The following SPECC1 variants were observed in gnomAD, a reference collection of about 807,000 sequenced individuals.
The protein encoded by SPECC1 is sperm antigen with calponin homology and coiled-coil domains 1, also known as cytospin-B.
A neutral mutation model predicts 104.1 loss-of-function variants in SPECC1; 62 were observed. The observed-to-expected ratio is 0.60, with a 90% confidence interval of 0.49 to 0.74. SPECC1 has a LOEUF of 0.74. Among genes scored for constraint, SPECC1 ranks in the 30% least tolerant of loss-of-function variants. The pLI, the probability that SPECC1 is intolerant of heterozygous loss-of-function variation, is 0.00. For missense variants in SPECC1, 1,306 were observed against 1,310.5 expected (o/e 1.00, Z 0.05); for synonymous variants, 513 against 501.6 (o/e 1.02, Z -0.30).
chr17:20,251,224 C>CAAAAAAAAAAAAAAAAGAAAAAAA (rs2039618067), intron 9 of SPECC1, among the ~76,000 whole-genome samples: 1 of 51,044 alleles, frequency 2.0e-5, no homozygotes, highest in African/African-American at 9.5e-5. Flanking sequence ...GACTCTATCT[C>CAAAAAAAAAAAAAAAAGAAAAAAA]AAAAAAAAAA....
At chr17:20,069,889 A>G (rs1399404280) in intron 1 of SPECC1, among the ~76,000 whole-genome samples, 1 of 152,096 alleles carries the variant, frequency 6.6e-6, no homozygotes, top group Admixed American at 6.5e-5. Flanking sequence ...TATAAATGTA[A>G]TTGGTTTCTG....
intron 2 of SPECC1, among the ~76,000 whole-genome samples, chr17:20,104,234 G>C (rs1393411869): frequency 6.6e-6 from 1 of 152,182 alleles, no homozygotes; most frequent in Non-Finnish European, 1.5e-5. Context: ...GATGAGTACA[G>C]TCAGTGCAGG....
intron 12 of SPECC1, among the ~76,000 whole-genome samples, chr17:20,262,081 A>G (rs2040046766): frequency 6.6e-6 from 1 of 152,210 alleles, no homozygotes; most frequent in South Asian, 2.1e-4. Context: ...ATTTGCAGCT[A>G]GCTTTTTTTA....
At chr17:20,077,686 C>G (rs1025868645) in intron 1 of SPECC1, among the ~76,000 whole-genome samples, 1 of 152,072 alleles carries the variant, frequency 6.6e-6, no homozygotes, top group South Asian at 2.1e-4. Context: ...AGGCTGGTCT[C>G]GGACTCCTGA....
chr17:20,166,300 C>G (rs933477491), intron 3 of SPECC1, among the ~76,000 whole-genome samples: 1 of 152,102 alleles, frequency 6.6e-6, no homozygotes, highest in Non-Finnish European at 1.5e-5. Flanking sequence ...TTACACAAAC[C>G]ATTTTTTCAA....
At chr17:20,161,613 G>T (rs2033154951) in intron 3 of SPECC1, among the ~76,000 whole-genome samples, 1 of 152,162 alleles carries the variant, frequency 6.6e-6, no homozygotes, top group Admixed American at 6.5e-5. Flanking sequence ...GAAGACAGGA[G>T]GAAGGAGTAA....
At chr17:20,305,409 G>A (rs771427723) in intron 13 of SPECC1, among the ~76,000 whole-genome samples, 4 of 152,202 alleles carry the variant, frequency 2.6e-5, no homozygotes, top group South Asian at 4.2e-4. Flanking sequence ...ATATTAATAC[G>A]GGCACTAAAA....
Position 20,209,921 on chromosome 17 carries a change from G to A in SPECC1, c.1863+4009G>A, listed in dbSNP as rs148453986. Among the ~76,000 whole-genome samples, 962 of 152,326 alleles carry A rather than the reference G, an allele frequency of 6.3e-3. 10 individuals carry two copies. The highest frequency in any genetic ancestry group is 0.022 in the African/African-American group (914 of 41,566). On this transcript the variant is annotated intron_variant, in intron 4 of 14. Transcript: ENST00000395527. The stretch of plus-strand genomic sequence containing the variant: ...ATCTATTTATTCCCGTGAGGTTGAA[G>A]CTTATAGGTGGTATCCTTAGAATCT...
In SPECC1 at chr17:20,093,726, G is replaced by T. The variant is rs1035166371; in HGVS notation, c.-21-2905G>T. Among the ~76,000 whole-genome samples, 896 of 143,520 alleles carry T rather than the reference G, an allele frequency of 6.2e-3. 8 individuals are homozygous for T. Among genetic ancestry groups the T allele is most frequent in the African/African-American group, 0.022 (842 of 37,670 alleles). The allele number at this position is 143,520 out of a possible 152,430, so 94.2% of individuals were successfully genotyped here. The stretch of plus-strand genomic sequence containing the variant: ...GTTTTTTGTTTTTGTTTTTGTTTTT[G>T]TTTTTTGTTTTTTTTTTTTTTGGAG... On this transcript the variant is annotated intron_variant, in intron 1 of 14. Transcript: ENST00000395527.
At chr17:20,018,840 G>A (rs2044254951) in intron 1 of SPECC1, among the ~76,000 whole-genome samples, 2 of 152,162 alleles carry the variant, frequency 1.3e-5, no homozygotes, top group South Asian at 4.1e-4. Context: ...TGTCTACCAG[G>A]GAAACTCACT....
chr17:20,028,587 A>G (rs1468961370), intron 1 of SPECC1, among the ~76,000 whole-genome samples: 1 of 152,176 alleles, frequency 6.6e-6, no homozygotes, highest in African/African-American at 2.4e-5. Flanking sequence ...GTCTTTTGCC[A>G]GTACCACACA....
At chr17:20,044,852 G>T (rs1158969283) in intron 1 of SPECC1, among the ~76,000 whole-genome samples, 2 of 152,178 alleles carry the variant, frequency 1.3e-5, no homozygotes, top group Non-Finnish European at 2.9e-5. Flanking sequence ...TGAAGGGATA[G>T]AACCTAAAAG....
chr17:20,304,467 C>T (rs1362187772), intron 13 of SPECC1, among the ~76,000 whole-genome samples: 3 of 152,078 alleles, frequency 2.0e-5, no homozygotes, highest in Admixed American at 2.0e-4. Flanking sequence ...GAACAAACAT[C>T]AGAGAATAGC....
intron 12 of SPECC1, among the ~76,000 whole-genome samples, chr17:20,275,176 A>G (rs1338448315): frequency 6.6e-6 from 1 of 152,166 alleles, no homozygotes. Flanking sequence ...GTAGGGGAAC[A>G]TTTGTACATA....
intron 1 of SPECC1, among the ~76,000 whole-genome samples, chr17:20,012,110 A>G (rs2043964653): frequency 6.6e-6 from 1 of 152,110 alleles, no homozygotes; most frequent in South Asian, 2.1e-4. Context: ...TTTTAAAAAG[A>G]TGTTTTGTAG....
At chr17:20,146,346 A>C (rs1173414974) in intron 3 of SPECC1, among the ~76,000 whole-genome samples, 1 of 152,192 alleles carries the variant, frequency 6.6e-6, no homozygotes, top group Non-Finnish European at 1.5e-5. Flanking sequence ...TTCACTTAGC[A>C]GTATGCATTT....
intron 12 of SPECC1, among the ~76,000 whole-genome samples, chr17:20,271,773 T>TC (rs1327929098): frequency 7.2e-5 from 11 of 151,760 alleles, no homozygotes; most frequent in Admixed American, 2.0e-4. Flanking sequence ...TGTTTTTTTT[T>TC]CCCTTTGTTT....
At chr17:20,147,148 C>T (rs975082474) in intron 3 of SPECC1, among the ~76,000 whole-genome samples, 1 of 150,510 alleles carries the variant, frequency 6.6e-6, no homozygotes, top group Non-Finnish European at 1.5e-5. Context: ...CTTGGCTCAC[C>T]GCAGGCTCCG....
Position 20,217,194 on chromosome 17 carries a change from T to C in SPECC1, c.1864-10219T>C, listed in dbSNP as rs578211369. ...ATTCTGTAAAATGAATATAAAAATA[T>C]CTGCCTGTTATTATGTAGCAAGCCC... is the stretch of plus-strand genomic sequence containing the variant. On this transcript the variant is annotated intron_variant, in intron 4 of 14. Coordinates refer to ENST00000395527, the MANE Select transcript of SPECC1 (RefSeq NM_001243439.2). 9.9e-5 allele frequency among the ~76,000 whole-genome samples: 15 copies of C among 152,278 alleles called. No individual in the cohort carries two copies. In the South Asian group the frequency reaches 2.9e-3, roughly 29 times the overall value.
Sources: allele counts gnomAD v4.1 joint callset (sites outside exome capture counted in the v4.1 genomes callset), GRCh38; gene constraint gnomAD v4.1.1; transcripts MANE v1.5; gene names NCBI Gene and HGNC (gene_info 2026-07-23, HGNC 2026-07-21).